The following RBFOX3 variants were observed in gnomAD, a reference collection of about 807,000 sequenced individuals.
RBFOX3 encodes the protein RNA binding fox-1 homolog 3, also known as RNA binding protein fox-1 homolog 3.
RBFOX3 carries 17 observed loss-of-function variants against 48.7 expected under a neutral mutation model. The ratio of observed to expected loss-of-function variants is 0.35; its 90% CI spans 0.24 to 0.52. RBFOX3 has a LOEUF of 0.52. Ranked by LOEUF, RBFOX3 falls within the 20% of genes least tolerant of loss-of-function variation. The probability of loss-of-function intolerance (pLI) is 0.94; values close to 1 mark genes in which losing one functional copy is unlikely to be tolerated. For missense variants in RBFOX3, 382 were observed against 497.5 expected, an observed-to-expected ratio of 0.77 and a Z score of 2.21; for synonymous variants, 212 against 209.5, an observed-to-expected ratio of 1.01 and a Z score of -0.10.
In RBFOX3 at chr17:79,363,592, C is replaced by T. The variant is rs976577697; in HGVS notation, c.-174-55768G>A. Among the ~76,000 whole-genome samples the T allele has an allele frequency of 3.9e-5, 6 of 152,136 alleles. No homozygotes were observed. Among genetic ancestry groups the T allele is most frequent in the Admixed American group, 1.3e-4 (2 of 15,296 alleles). ...GCCCAGCTTCCCTGGGGGGTCTCCG[C>T]GAGCAACATACCTCTTACCCAGGGG... is the stretch of plus-strand genomic sequence containing the variant. On this transcript the variant is annotated intron_variant, in intron 2 of 14. Coordinates refer to ENST00000693108, the MANE Select transcript of RBFOX3 (RefSeq NM_001350451.2). This position sits in a 1 kb window ranked among gnomAD's most constrained non-coding sequence, Gnocchi z 4.7.
intron 3 of RBFOX3, among the ~76,000 whole-genome samples, chr17:79,239,457 C>T (rs2062049715): frequency 6.6e-6 from 1 of 152,186 alleles, no homozygotes; most frequent in Admixed American, 6.5e-5. Context: ...GTGCCGACTT[C>T]CCCAAGTGCA....
chr17:79,251,927 T>C (rs1246545414), intron 3 of RBFOX3, among the ~76,000 whole-genome samples: 2 of 152,114 alleles, frequency 1.3e-5, no homozygotes, highest in African/African-American at 4.8e-5. Flanking sequence ...CACTCCTGGA[T>C]CCTTCCCCTC....
chr17:79,554,728 T>C (rs1461671775), intron 1 of RBFOX3, among the ~76,000 whole-genome samples: 2 of 152,268 alleles, frequency 1.3e-5, no homozygotes, highest in Non-Finnish European at 2.9e-5. Flanking sequence ...GATAGTAATT[T>C]TGATGTAATA....
the RBFOX3 span, among the ~76,000 whole-genome samples, chr17:79,642,656 C>T: frequency 6.6e-6 from 1 of 151,932 alleles, no homozygotes; most frequent in Non-Finnish European, 1.5e-5. Flanking sequence ...GTAAAAAGTA[C>T]AGCAGACAAA....
chr17:79,588,101 G>A (rs1279686410), intron 1 of RBFOX3, among the ~76,000 whole-genome samples: 5 of 152,128 alleles, frequency 3.3e-5, no homozygotes, highest in Non-Finnish European at 5.9e-5. Context: ...CCAAAGTGCT[G>A]GGATTGCAGT....
At chr17:79,101,798 C>A (rs1029683154) in intron 8 of RBFOX3, among the ~76,000 whole-genome samples, 154 bp from the exon 9 acceptor site, 3 of 151,982 alleles carry the variant, frequency 2.0e-5, no homozygotes, top group Non-Finnish European at 4.4e-5. Flanking sequence ...GGAGCCTTGG[C>A]CCCCACTGCT....
At chr17:79,157,355 C>A (rs1282103155) in intron 4 of RBFOX3, among the ~76,000 whole-genome samples, 3 of 152,190 alleles carry the variant, frequency 2.0e-5, no homozygotes, top group Non-Finnish European at 4.4e-5. Context: ...AGCCCAGCTG[C>A]CGTCCATGCA....
rs1289495005 is a variant in RBFOX3, at chr17:79,477,201, C to A, written c.-175+5253G>T. Among the ~76,000 whole-genome samples the A allele has an allele frequency of 6.8e-6, 1 of 147,634 alleles. No individual in the cohort carries two copies. The highest frequency in any genetic ancestry group is 2.0e-4 in the East Asian group (1 of 4,980). ...TGAGCTGAGATCGCGCCACTGCACT[C>A]CAGCCTGGGTGAAAGAGCAAGGCTC... is the stretch of plus-strand genomic sequence containing the variant. On this transcript the variant is annotated intron_variant, in intron 2 of 14. Transcript: ENST00000693108. The surrounding 1 kb of genome is among the most constrained non-coding windows in gnomAD (Gnocchi z 4.8).
chr17:79,396,079 C>T, intron 2 of RBFOX3, among the ~76,000 whole-genome samples: 1 of 152,238 alleles, frequency 6.6e-6, no homozygotes, highest in Admixed American at 6.5e-5. Flanking sequence ...TTCCCCAGAA[C>T]TCTGAGCATC....
In RBFOX3 at chr17:79,115,738, T is replaced by C; in HGVS notation, c.-23A>G. On this transcript the variant is annotated 5_prime_UTR_variant, in exon 5 of 15. Transcript: ENST00000693108. ...CATCGCTTCAGGCGGAGCCGTGGCG[T>C]CCTGATCGCTCTGTGGAAGGAGAGA... 1 of 725,614 alleles carries C rather than the reference T, an allele frequency of 1.4e-6. No homozygotes were observed. The highest frequency in any genetic ancestry group is 2.4e-6 in the Non-Finnish European group (1 of 424,068). The allele number at this position is 725,614 out of a possible 1,614,324, so 44.9% of individuals were successfully genotyped here. A position where few individuals can be genotyped will look rare whatever the true frequency, so the allele number is the denominator to read the frequency against.
intron 3 of RBFOX3, among the ~76,000 whole-genome samples, chr17:79,293,893 T>C: frequency 6.6e-6 from 1 of 152,208 alleles, no homozygotes; most frequent in East Asian, 1.9e-4. Context: ...GGACTCATTC[T>C]GGTTAGGATT....
intron 1 of RBFOX3, among the ~76,000 whole-genome samples, chr17:79,578,720 C>T (rs2092945006): frequency 6.6e-6 from 1 of 152,190 alleles, no homozygotes; most frequent in Admixed American, 6.5e-5. Flanking sequence ...AAATAATAAA[C>T]ATTTAAAAGG....
rs1036122764 is a variant in RBFOX3, at chr17:79,095,550, C to T, written c.961G>A (p.Ala321Thr). Residue 321 changes from alanine (A) to threonine (T), a missense_variant, in exon 13 of 15, where the codon GCT becomes ACT. This residue lies in a region of RBFOX3 where 215 missense variants were observed against 254.8 expected (regional missense o/e 0.84). Transcript: ENST00000693108. ...IYGGYAAYRY[A>T]QPAAAAAAYS... is the part of the protein sequence containing the mutation. ...GCTGCCGCCGCTGCAGCGGGCTGAGCGTATCTGTAGGCTGCGTAGCCTCCC... is the reference window on the plus strand; with the variant it reads ...GCTGCCGCCGCTGCAGCGGGCTGAGTGTATCTGTAGGCTGCGTAGCCTCCC... 10 of 1,551,286 alleles carry T rather than the reference C, an allele frequency of 6.4e-6. No individual in the cohort carries two copies. The highest frequency in any genetic ancestry group is 2.4e-5 in the East Asian group (1 of 40,912).
chr17:79,217,062 G>C (rs71387905), intron 4 of RBFOX3, among the ~76,000 whole-genome samples: 38,148 of 152,100 alleles, frequency 0.25, 4,977 homozygotes, highest in Non-Finnish European at 0.29. Flanking sequence ...CAGAACAGCA[G>C]TGACCTCCAC....
At chr17:79,597,648 G>T (rs1384758823) in intron 1 of RBFOX3, among the ~76,000 whole-genome samples, 1 of 152,176 alleles carries the variant, frequency 6.6e-6, no homozygotes, top group African/African-American at 2.4e-5. Context: ...CACTTAGAAG[G>T]TACCGCCTGA....
intron 4 of RBFOX3, among the ~76,000 whole-genome samples, chr17:79,152,191 G>C (rs981181373): frequency 2.0e-4 from 31 of 152,034 alleles, no homozygotes; most frequent in African/African-American, 6.8e-4. Context: ...GAGCCCCAGA[G>C]GGCTCTGTCC....
the RBFOX3 span, among the ~76,000 whole-genome samples, chr17:79,635,055 A>G: frequency 1.7e-5 from 2 of 115,234 alleles, no homozygotes; most frequent in African/African-American, 4.0e-5. Context: ...GCGAGACTCC[A>G]TCTCAAAAAA....
rs1355664346 is a variant in RBFOX3, at chr17:79,473,947, C to T, written c.-175+8507G>A. 1.3e-5 allele frequency among the ~76,000 whole-genome samples: 2 copies of T among 152,166 alleles called. No individual in the cohort carries two copies. The highest frequency in any genetic ancestry group is 2.9e-5 in the Non-Finnish European group (2 of 68,036). On this transcript the variant is annotated intron_variant, in intron 2 of 14. Transcript: ENST00000693108. The surrounding 1 kb of genome is among the most constrained non-coding windows in gnomAD (Gnocchi z 4.2). ...CTGACGCTCCTTTTCTGTTCTTTCCCCCACAGAACACAGATGTCTTTGAAA... is the reference window on the plus strand; with the variant it reads ...CTGACGCTCCTTTTCTGTTCTTTCCTCCACAGAACACAGATGTCTTTGAAA...
chr17:79,159,916 C>T (rs944934021), intron 4 of RBFOX3, among the ~76,000 whole-genome samples: 12 of 152,192 alleles, frequency 7.9e-5, no homozygotes, highest in South Asian at 2.1e-4. Flanking sequence ...CATGCGTGTC[C>T]GCCGAGTGTT....
Sources: allele counts gnomAD v4.1 joint callset (sites outside exome capture counted in the v4.1 genomes callset), GRCh38; gene constraint gnomAD v4.1.1; regional missense constraint gnomAD v4.1.1; non-coding constraint Gnocchi (gnomAD v3.1); transcripts MANE v1.5; gene names NCBI Gene and HGNC (gene_info 2026-07-23, HGNC 2026-07-21).